GRIN2A: variants seen among roughly 807,000 people sequenced by gnomAD.
GRIN2A encodes glutamate ionotropic receptor NMDA type subunit 2A.
GRIN2A carries 22 observed loss-of-function variants against 113.4 expected under a neutral mutation model. The ratio of observed to expected loss-of-function variants is 0.19; its 90% CI spans 0.14 to 0.28. The LOEUF (loss-of-function observed/expected upper bound fraction) is 0.28, where lower values mean the gene tolerates loss of function less well. GRIN2A is among the 10% of genes least tolerant of loss of function. The pLI is 1.00. For synonymous variants in GRIN2A, 827 were observed against 738.4 expected, an observed-to-expected ratio of 1.12 and a Z score of -1.94; for missense variants, 1,502 against 1,887.0, an observed-to-expected ratio of 0.80 and a Z score of 3.78.
intron 2 of GRIN2A, among the ~76,000 whole-genome samples, chr16:9,965,802 T>C (rs1391079670): frequency 6.6e-6 from 1 of 152,200 alleles, no homozygotes; most frequent in Non-Finnish European, 1.5e-5. Context: ...CCCCACAGCC[T>C]CTTTTATATA....
At chr16:10,070,005 C>A (rs567581419) in intron 2 of GRIN2A, among the ~76,000 whole-genome samples, 1 of 152,350 alleles carries the variant, frequency 6.6e-6, no homozygotes, top group South Asian at 2.1e-4. Flanking sequence ...ACCCCTCCCT[C>A]CTACTTCTGT....
intron 3 of GRIN2A, among the ~76,000 whole-genome samples, chr16:9,927,272 C>T (rs2044486376): frequency 6.6e-6 from 1 of 152,138 alleles, no homozygotes; most frequent in Non-Finnish European, 1.5e-5. Context: ...TTGATTTAAC[C>T]TATTTGCCTT....
intron 2 of GRIN2A, among the ~76,000 whole-genome samples, chr16:10,067,347 T>A (rs1014856010): frequency 2.0e-5 from 3 of 152,192 alleles, no homozygotes; most frequent in Admixed American, 2.0e-4. Flanking sequence ...CACAAAAGTC[T>A]GTTTTGACAA....
In GRIN2A at chr16:10,170,605, G is replaced by A. The variant is rs941912760; in HGVS notation, c.414+9393C>T. Among the ~76,000 whole-genome samples the A allele has an allele frequency of 2.0e-5, 3 of 152,268 alleles. No individual in the cohort carries two copies. The South Asian group carries it at 6.2e-4, about 32-fold the overall frequency. ...AGAATATCATTTGGGGCTGGGGACG[G>A]TGGCTTATGCCTGTAATACCAGCAC... On this transcript the variant is annotated intron_variant, in intron 2 of 12. Coordinates refer to ENST00000330684, the MANE Select transcript of GRIN2A (RefSeq NM_001134407.3).
chr16:10,007,486 T>C (rs1189740575), intron 2 of GRIN2A, among the ~76,000 whole-genome samples: 1 of 152,200 alleles, frequency 6.6e-6, no homozygotes, highest in Non-Finnish European at 1.5e-5. Flanking sequence ...TATTAGATCT[T>C]TTTCCCATTG....
At chr16:10,078,257 C>T (rs543775680) in intron 2 of GRIN2A, among the ~76,000 whole-genome samples, 2 of 152,222 alleles carry the variant, frequency 1.3e-5, no homozygotes, top group South Asian at 4.2e-4. Flanking sequence ...GTGTGATGAA[C>T]AAACACCACA....
chr16:9,999,351 C>T (rs1420855012), intron 2 of GRIN2A, among the ~76,000 whole-genome samples: 2 of 152,120 alleles, frequency 1.3e-5, no homozygotes, highest in African/African-American at 2.4e-5. Flanking sequence ...ATCAAGCTGT[C>T]CATCAATGAG....
In GRIN2A at chr16:10,153,380, G is replaced by A. The variant is rs568844520; in HGVS notation, c.414+26618C>T. On this transcript the variant is annotated intron_variant, in intron 2 of 12. Coordinates refer to ENST00000330684, the MANE Select transcript of GRIN2A (RefSeq NM_001134407.3). ...CTTGCCAGGCAGTATCTAGGTGCTG[G>A]GGGGACTCTACGAAGGGGATATGCT... Among the ~76,000 whole-genome samples, 4 of 152,248 alleles carry A rather than the reference G, an allele frequency of 2.6e-5. No homozygotes were observed. In the South Asian group the frequency reaches 8.3e-4, roughly 32 times the overall value.
intron 2 of GRIN2A, among the ~76,000 whole-genome samples, chr16:10,056,976 C>A (rs1160967327): frequency 1.3e-5 from 2 of 151,994 alleles, no homozygotes; most frequent in Non-Finnish European, 2.9e-5. Flanking sequence ...CAACCCCCAG[C>A]CAGTAATCTT....
chr16:9,970,141 G>C (rs1186839456), intron 2 of GRIN2A, among the ~76,000 whole-genome samples: 1 of 152,236 alleles, frequency 6.6e-6, no homozygotes, highest in African/African-American at 2.4e-5. Flanking sequence ...CAAATTCAAT[G>C]TTTGAGTAAG....
At chr16:9,893,084 G>C (rs1346143841) in intron 3 of GRIN2A, among the ~76,000 whole-genome samples, 1 of 152,142 alleles carries the variant, frequency 6.6e-6, no homozygotes, top group Non-Finnish European at 1.5e-5. Flanking sequence ...GGAGAATCTG[G>C]TTTCCAAGGA....
intron 9 of GRIN2A, 56 bp downstream of exon 9, chr16:9,829,367 A>C: frequency 1.8e-6 from 2 of 1,098,732 alleles, no homozygotes; most frequent in Non-Finnish European, 2.8e-6. Context: ...CTTCCTCCTG[A>C]AAGGAGAGCA....
chr16:9,798,632 G>A (rs1903153980), intron 10 of GRIN2A, among the ~76,000 whole-genome samples, 168 bp from the exon 11 acceptor site: 2 of 152,212 alleles, frequency 1.3e-5, no homozygotes, highest in African/African-American at 4.8e-5. Flanking sequence ...TTAATGAGGA[G>A]ATAAAAGCCA....
chr16:10,019,844 A>G (rs1028149993), intron 2 of GRIN2A, among the ~76,000 whole-genome samples: 10 of 152,230 alleles, frequency 6.6e-5, no homozygotes, highest in African/African-American at 2.2e-4. Context: ...AGGTGAATGA[A>G]TAAGTTCTGA....
chr16:10,176,878 A>ATG (rs908025609), intron 2 of GRIN2A, among the ~76,000 whole-genome samples: 3 of 152,152 alleles, frequency 2.0e-5, no homozygotes, highest in East Asian at 1.9e-4. Context: ...AGTTAAAAAA[A>ATG]TGTGTGTGTG....
At chr16:10,032,383 C>G (rs2141929202) in intron 2 of GRIN2A, among the ~76,000 whole-genome samples, 1 of 152,316 alleles carries the variant, frequency 6.6e-6, no homozygotes, top group East Asian at 1.9e-4. Context: ...CTACCCACCT[C>G]TAAGCCTTTC....
chr16:10,072,480 T>C (rs1216310331), intron 2 of GRIN2A, among the ~76,000 whole-genome samples: 1 of 152,200 alleles, frequency 6.6e-6, no homozygotes, highest in Non-Finnish European at 1.5e-5. Context: ...TGGGGTCCCA[T>C]GCCCTGAGTT....
At chr16:9,931,305 T>C (rs1460997971) in intron 3 of GRIN2A, among the ~76,000 whole-genome samples, 2 of 152,156 alleles carry the variant, frequency 1.3e-5, no homozygotes, top group Non-Finnish European at 2.9e-5. Context: ...TATAAAGTTA[T>C]AATAATGATG....
chr16:10,121,693 T>C (rs1211937070), intron 2 of GRIN2A: 1 of 152,222 alleles, frequency 6.6e-6, no homozygotes, highest in Non-Finnish European at 1.5e-5. Context: ...ATCATTATGC[T>C]GCTTCTTTCA....
Sources: allele counts gnomAD v4.1 joint callset (sites outside exome capture counted in the v4.1 genomes callset), GRCh38; gene constraint gnomAD v4.1.1; transcripts MANE v1.5; gene names NCBI Gene and HGNC (gene_info 2026-07-23, HGNC 2026-07-21).